LRBA: variants seen among roughly 807,000 people sequenced by gnomAD.
The protein encoded by LRBA is lipopolysaccharide-responsive and beige-like anchor protein.
Under a neutral mutation model 330.0 loss-of-function variants are expected in LRBA, and 176 were observed. The ratio of observed to expected loss-of-function variants is 0.53; its 90% CI spans 0.47 to 0.60. The LOEUF (loss-of-function observed/expected upper bound fraction) is 0.60, where lower values mean the gene tolerates loss of function less well. LRBA is among the 20% of genes least tolerant of loss of function. LRBA has a pLI of 0.00. For missense variants in LRBA, 3,259 were observed against 3,444.8 expected, an observed-to-expected ratio of 0.95 and a Z score of 1.35; for synonymous variants, 1,230 against 1,193.0, an observed-to-expected ratio of 1.03 and a Z score of -0.64.
chr4:150,851,916 T>G lies in LRBA; in HGVS notation c.3794A>C (p.Glu1265Ala). The G allele has an allele frequency of 6.2e-7, 1 of 1,613,844 alleles. No homozygotes were observed. Among genetic ancestry groups the G allele is most frequent in the Non-Finnish European group, 8.5e-7 (1 of 1,179,862 alleles). The change falls in exon 23 of 57, where the codon GAA (glutamate) becomes GCA (alanine). Residue 1265 changes from glutamate to alanine, a missense_variant. Coordinates refer to ENST00000651943, the MANE Select transcript of LRBA (RefSeq NM_001364905.1). ...CACATGTCGATGAGGTTGAGGTGCT[T>G]CCACGTTGGGACTGGCCTTCAACTC... The part of the protein sequence containing the change: ...RLELKASPNV[E>A]APQPHRHVLE...
At chr4:150,932,111 A>G (rs1734565724) in intron 2 of LRBA, among the ~76,000 whole-genome samples, 1 of 152,096 alleles carries the variant, frequency 6.6e-6, no homozygotes, top group South Asian at 2.1e-4. Flanking sequence ...CACTGAATGA[A>G]ATGATACAAA....
intron 30 of LRBA, among the ~76,000 whole-genome samples, chr4:150,825,859 G>A (rs1204987455): frequency 1.3e-5 from 2 of 152,106 alleles, no homozygotes; most frequent in Non-Finnish European, 2.9e-5. Flanking sequence ...TGTAGATTGA[G>A]GTCTGTAGCT....
At chr4:150,851,748 T>C (rs1750644352) in intron 23 of LRBA, 137 bp downstream of exon 23, 2 of 867,532 alleles carry the variant, frequency 2.3e-6, no homozygotes, top group African/African-American at 3.4e-5. Flanking sequence ...TGAAATACAA[T>C]CTTCACATTC....
chr4:150,589,038 T>TGTACAC (rs1772475245), intron 39 of LRBA, among the ~76,000 whole-genome samples: 1 of 114,588 alleles, frequency 8.7e-6, no homozygotes, highest in African/African-American at 4.2e-5. Context: ...TCTGTGTGTG[T>TGTACAC]ATACACACAC....
chr4:150,389,709 A>G (rs529370260), intron 47 of LRBA, among the ~76,000 whole-genome samples: 1 of 149,478 alleles, frequency 6.7e-6, no homozygotes, highest in South Asian at 2.1e-4. Flanking sequence ...AAAGGAATCA[A>G]AACTCCAGAG....
intron 37 of LRBA, among the ~76,000 whole-genome samples, chr4:150,620,566 C>T (rs905382430): frequency 3.3e-5 from 5 of 151,974 alleles, no homozygotes; most frequent in African/African-American, 4.8e-5. Context: ...AAGTGCCCAT[C>T]GAACAATGAA....
intron 37 of LRBA, among the ~76,000 whole-genome samples, chr4:150,634,114 T>A (rs1777653952): frequency 6.6e-6 from 1 of 152,038 alleles, no homozygotes; most frequent in Non-Finnish European, 1.5e-5. Context: ...AAACTCCATC[T>A]CTGAATGGAG....
chr4:150,503,968 G>A lies in LRBA; in HGVS notation c.6331-12933C>T, dbSNP rs553588136. Among the ~76,000 whole-genome samples the A allele has an allele frequency of 8.5e-5, 13 of 152,300 alleles. No homozygotes were observed. In the East Asian group the frequency reaches 9.6e-4, roughly 11 times the overall value. ...ATGCACAAGCCTCAGTAGCCGATGC[G>A]ATCAACTGGAAGAAAGGGTATCAGT... is the stretch of plus-strand genomic sequence containing the variant. On this transcript the variant is annotated intron_variant, in intron 40 of 56. Transcript: ENST00000651943.
At chr4:150,737,112 G>A (rs2127148130) in intron 35 of LRBA, among the ~76,000 whole-genome samples, 1 of 152,190 alleles carries the variant, frequency 6.6e-6, no homozygotes, top group African/African-American at 2.4e-5. Flanking sequence ...CAGCTACTCA[G>A]GAGCCTGAGG....
At chr4:150,678,398 G>A (rs11099775) in intron 37 of LRBA, among the ~76,000 whole-genome samples, 132,861 of 152,140 alleles carry the variant, frequency 0.87, 58,571 homozygotes, top group Non-Finnish European at 0.95. Context: ...CTCAGTATCA[G>A]TACTGCAATA....
At chr4:151,009,797 G>A (rs1361468633) in intron 2 of LRBA, among the ~76,000 whole-genome samples, 1 of 151,830 alleles carries the variant, frequency 6.6e-6, no homozygotes, top group Non-Finnish European at 1.5e-5. Context: ...TGGCTAACAC[G>A]GTTAAACCCT....
intron 36 of LRBA, among the ~76,000 whole-genome samples, chr4:150,723,920 G>T (rs1027695802): frequency 2.0e-5 from 3 of 152,348 alleles, no homozygotes; most frequent in African/African-American, 7.2e-5. Flanking sequence ...GTGGTGGCCT[G>T]AAGGAATCCC....
chr4:150,531,920 C>A (rs766737945), intron 40 of LRBA, among the ~76,000 whole-genome samples: 2 of 152,142 alleles, frequency 1.3e-5, no homozygotes, highest in Non-Finnish European at 2.9e-5. Flanking sequence ...CTCTACCATG[C>A]GTATCATTTA....
intron 2 of LRBA, among the ~76,000 whole-genome samples, chr4:150,993,610 A>T (rs1742332958): frequency 6.6e-6 from 1 of 152,234 alleles, no homozygotes; most frequent in African/African-American, 2.4e-5. Context: ...AATTGGACTT[A>T]CAGTTCCACA....
intron 40 of LRBA, among the ~76,000 whole-genome samples, chr4:150,575,533 A>G (rs1051709986): frequency 6.6e-6 from 1 of 151,942 alleles, no homozygotes; most frequent in Non-Finnish European, 1.5e-5. Context: ...CTCCTAAAGT[A>G]TAACAAAAAC....
intron 39 of LRBA, among the ~76,000 whole-genome samples, chr4:150,589,029 CTGTGTG>C (rs930473700): frequency 1.4e-5 from 2 of 139,194 alleles, no homozygotes; most frequent in Admixed American, 1.4e-4. Context: ...TCTGTTATGT[CTGTGTG>C]TGTATACACA....
chr4:150,488,729 T>C (rs901354368), intron 41 of LRBA, among the ~76,000 whole-genome samples: 7 of 138,406 alleles, frequency 5.1e-5, no homozygotes, highest in African/African-American at 1.8e-4. Context: ...CCTTCTTCTC[T>C]ACCAACCCTT....
intron 37 of LRBA, among the ~76,000 whole-genome samples, chr4:150,623,842 C>G (rs957235297): frequency 2.6e-5 from 4 of 151,848 alleles, no homozygotes; most frequent in Non-Finnish European, 4.4e-5. Flanking sequence ...ATCCACAGCA[C>G]TCTATTTTTT....
intron 47 of LRBA, among the ~76,000 whole-genome samples, chr4:150,356,441 G>A (rs1737858553): frequency 6.6e-6 from 1 of 152,040 alleles, no homozygotes; most frequent in Non-Finnish European, 1.5e-5. Flanking sequence ...TGAATTTGCA[G>A]TGAATCTGAG....
Sources: allele counts gnomAD v4.1 joint callset (sites outside exome capture counted in the v4.1 genomes callset), GRCh38; gene constraint gnomAD v4.1.1; transcripts MANE v1.5; gene names NCBI Gene and HGNC (gene_info 2026-07-23, HGNC 2026-07-21).